The following PSD4 variants were observed in gnomAD, a reference collection of about 807,000 sequenced individuals.
The protein encoded by PSD4 is pleckstrin and Sec7 domain containing 4.
Under a neutral mutation model 112.5 loss-of-function variants are expected in PSD4, and 59 were observed. The observed-to-expected ratio is 0.52, with a 90% CI of 0.43 to 0.65. PSD4 has a LOEUF of 0.65. Among genes scored for constraint, PSD4 ranks in the 30% least tolerant of loss-of-function variants. The pLI is 0.00. For synonymous variants in PSD4, 533 were observed against 540.0 expected, an observed-to-expected ratio of 0.99 and a Z score of 0.18; for missense variants, 1,267 against 1,352.6, an observed-to-expected ratio of 0.94 and a Z score of 0.99.
chr2:113,175,076 C>T (rs1423874520), intron 1 of PSD4, among the ~76,000 whole-genome samples: 1 of 152,096 alleles, frequency 6.6e-6, no homozygotes, highest in Non-Finnish European at 1.5e-5. Flanking sequence ...GGCTGCTGAG[C>T]TCTTTGTTGG....
Position 113,205,849 on chromosome 2 carries a change from C to T in PSD4, c.*4434C>T, listed in dbSNP as rs1326130428. 2.0e-5 allele frequency: 3 copies of T among 152,286 alleles called. No individual in the cohort carries two copies. The highest frequency in any genetic ancestry group is 4.8e-5 in the African/African-American group (2 of 41,460). 9.4% of individuals were successfully genotyped at this position (152,286 alleles called of 1,614,324 possible). On this transcript the variant is annotated 3_prime_UTR_variant, in exon 17 of 17. Coordinates refer to ENST00000245796, the MANE Select transcript of PSD4 (RefSeq NM_012455.3). Reference sequence around the variant, plus strand: ...CTGCTGAGCTGAGCAGGCATGCTCACAGATCCTCAAGGTTTCTTGAATGGC... The same window carrying T: ...CTGCTGAGCTGAGCAGGCATGCTCATAGATCCTCAAGGTTTCTTGAATGGC...
At chr2:113,186,741 G>C (rs1410959611) in intron 5 of PSD4, among the ~76,000 whole-genome samples, 1 of 152,202 alleles carries the variant, frequency 6.6e-6, no homozygotes, top group Non-Finnish European at 1.5e-5. Flanking sequence ...ATCAAGTGGA[G>C]GTTTGATGGG....
In PSD4 at chr2:113,192,601, TGAGCC is replaced by T; in HGVS notation, c.1838+13_1838+17del. Reference sequence around the variant, plus strand: ...TACCTGCAGAAGAAGTAAGGGGCTTTGAGCCTGGGGAAGGCTGGAGGCTGAGGCAG... The same window carrying T: ...TACCTGCAGAAGAAGTAAGGGGCTTTTGGGGAAGGCTGGAGGCTGAGGCAG... On this transcript the variant is annotated intron_variant, in intron 6 of 16. Transcript: ENST00000245796. 1 of 1,613,120 alleles carries T rather than the reference TGAGCC, an allele frequency of 6.2e-7. No homozygotes were observed. The highest frequency in any genetic ancestry group is 2.2e-5 in the East Asian group (1 of 44,872).
rs933133506 is a variant in PSD4, at chr2:113,207,202, A to G, written c.*5787A>G. ...CCGTGTGCCCATATCTGAGCCAGTC[A>G]CTAGAGCCAGGGGTTTAAGGAGATC... is the stretch of plus-strand genomic sequence containing the variant. On this transcript the variant is annotated 3_prime_UTR_variant, in exon 17 of 17. Transcript: ENST00000245796. 1 of 152,140 alleles carries G rather than the reference A, an allele frequency of 6.6e-6. No individual in the cohort carries two copies. Among genetic ancestry groups the G allele is most frequent in the Non-Finnish European group, 1.5e-5 (1 of 68,048 alleles). The allele number at this position is 152,140 out of a possible 1,614,324, so 9.4% of individuals were successfully genotyped here.
chr2:113,182,348 T>TA lies in PSD4; in HGVS notation c.-108dup. ...GCACTTGCTTTGGGCATTTCCAGGG[T>TA]AGATATGGATTCCCAGTTTCTCCAG... On this transcript the variant is annotated 5_prime_UTR_variant, in exon 2 of 17. Transcript: ENST00000245796. 1 of 1,080,680 alleles carries TA rather than the reference T, an allele frequency of 9.3e-7. No homozygotes were observed. Among genetic ancestry groups the TA allele is most frequent in the Non-Finnish European group, 1.3e-6 (1 of 747,982 alleles). 66.9% of individuals were successfully genotyped at this position (1,080,680 alleles called of 1,614,324 possible).
chr2:113,183,295 G>A lies in PSD4; in HGVS notation c.839G>A (p.Gly280Glu). The change falls in exon 2 of 17, where the codon GGA (glycine) becomes GAA (glutamate). Residue 280 changes from glycine to glutamate, a missense_variant. By Grantham distance (98) the Gly-to-Glu change is moderately conservative. Around this residue, in one of 2 missense-constraint regions of PSD4, gnomAD observed 723 missense variants for 704.0 expected, o/e 1.03. Transcript: ENST00000245796. Reference protein sequence around the residue: ...ASDSHAGVRTGPESPATLEPP... With the variant: ...ASDSHAGVRTEPESPATLEPP... ...GACTCCCATGCAGGTGTGAGGACTG[G>A]ACCTGAGAGCCCAGCGACTCTGGAG... 1 of 1,613,336 alleles carries A rather than the reference G, an allele frequency of 6.2e-7. No homozygotes were observed. The highest frequency in any genetic ancestry group is 2.2e-5 in the East Asian group (1 of 44,870).
At position 113,182,389 on chromosome 2, in the gene PSD4, C is replaced by A. The variant is rs1558886385; in HGVS notation, c.-68C>A. 1 of 1,418,160 alleles carries A rather than the reference C, an allele frequency of 7.1e-7. No homozygotes were observed. The highest frequency in any genetic ancestry group is 1.3e-5 in the South Asian group (1 of 74,608). The allele number at this position is 1,418,160 out of a possible 1,614,324, so 87.8% of individuals were successfully genotyped here. A position where few individuals can be genotyped will look rare whatever the true frequency, so the allele number is the denominator to read the frequency against. On this transcript the variant is annotated 5_prime_UTR_variant, in exon 2 of 17. Coordinates refer to ENST00000245796, the MANE Select transcript of PSD4 (RefSeq NM_012455.3). ...GTTTCTCCAGCGGCCAGTGCTCCCCCTAGTCCACACAGTGAGACCGTGAAA... is the reference window on the plus strand; with the variant it reads ...GTTTCTCCAGCGGCCAGTGCTCCCCATAGTCCACACAGTGAGACCGTGAAA...
At chr2:113,185,176 G>A (rs2104496972) in intron 3 of PSD4, 103 bp downstream of exon 3, 1 of 1,578,856 alleles carries the variant, frequency 6.3e-7, no homozygotes, top group South Asian at 1.2e-5. Context: ...TAGGATGTGG[G>A]GCTTCTCACA....
chr2:113,176,826 T>C (rs1687994249), intron 1 of PSD4, among the ~76,000 whole-genome samples: 1 of 152,170 alleles, frequency 6.6e-6, no homozygotes, highest in Non-Finnish European at 1.5e-5. Flanking sequence ...GCCTAGAGGG[T>C]GCCATCCTAC....
chr2:113,193,808 C>T, intron 9 of PSD4, 51 bp from the exon 10 acceptor site: 1 of 1,589,130 alleles, frequency 6.3e-7, no homozygotes, highest in Non-Finnish European at 8.6e-7. Flanking sequence ...GGAGGTTATT[C>T]TATTGGGATG....
rs892336132 is a variant in PSD4, at chr2:113,203,072, C to A, written c.*1657C>A. 6.6e-6 allele frequency: 1 copy of A among 152,334 alleles called. No homozygotes were observed. Among genetic ancestry groups the A allele is most frequent in the African/African-American group, 2.4e-5 (1 of 41,470 alleles). 9.4% of individuals were successfully genotyped at this position (152,334 alleles called of 1,614,324 possible). A position where few individuals can be genotyped will look rare whatever the true frequency, so the allele number is the denominator to read the frequency against. ...TGTTCATGCATATGCAGGAGTCACA[C>A]GGTCATAGGCCATCAAAGCTGGAGG... On this transcript the variant is annotated 3_prime_UTR_variant, in exon 17 of 17. Coordinates refer to ENST00000245796, the MANE Select transcript of PSD4 (RefSeq NM_012455.3).
intron 5 of PSD4, among the ~76,000 whole-genome samples, chr2:113,191,179 C>T (rs952155630): frequency 2.2e-4 from 34 of 152,212 alleles, no homozygotes; most frequent in African/African-American, 7.0e-4. Context: ...TTGTGATGGG[C>T]ATGGGGTTAA....
intron 1 of PSD4, among the ~76,000 whole-genome samples, chr2:113,178,669 C>T (rs1187953918): frequency 1.3e-5 from 2 of 152,084 alleles, no homozygotes; most frequent in South Asian, 2.1e-4. Context: ...CTCCCATTCC[C>T]ATATTGGCAC....
chr2:113,182,957 C>A lies in PSD4; in HGVS notation c.501C>A (p.Val167=). 1 of 1,614,210 alleles carries A rather than the reference C, an allele frequency of 6.2e-7. No homozygotes were observed. Among genetic ancestry groups the A allele is most frequent in the South Asian group, 1.1e-5 (1 of 91,090 alleles). ...WAGILQAQMC[V]LDLEEELEKT... Reference sequence around the variant, plus strand: ...GCATCCTGCAGGCCCAGATGTGTGTCCTAGACCTGGAGGAGGAGCTGGAGA... The same window carrying A: ...GCATCCTGCAGGCCCAGATGTGTGTACTAGACCTGGAGGAGGAGCTGGAGA... Residue 167 remains valine, a synonymous_variant, in exon 2 of 17, where the codon GTC becomes GTA. Coordinates refer to ENST00000245796, the MANE Select transcript of PSD4 (RefSeq NM_012455.3).
At chr2:113,181,897 TCTC>T in intron 1 of PSD4, among the ~76,000 whole-genome samples, 1 of 152,188 alleles carries the variant, frequency 6.6e-6, no homozygotes, top group Non-Finnish European at 1.5e-5. Flanking sequence ...TCTGTTGCAT[TCTC>T]CTCACCTCGT....
chr2:113,191,771 T>TG (rs1322505633), intron 5 of PSD4, among the ~76,000 whole-genome samples: 4 of 152,114 alleles, frequency 2.6e-5, no homozygotes, highest in African/African-American at 9.7e-5. Context: ...CTGAGTCGGC[T>TG]GGGGGTCACC....
chr2:113,187,198 C>T (rs2020313), intron 5 of PSD4, among the ~76,000 whole-genome samples: 4,221 of 133,750 alleles, frequency 0.032, 98 homozygotes, highest in South Asian at 0.1. Flanking sequence ...CCCTGCGCTT[C>T]CTCAGGTAAA....
chr2:113,187,035 G>A (rs568067235), intron 5 of PSD4, among the ~76,000 whole-genome samples: 6 of 152,314 alleles, frequency 3.9e-5, no homozygotes, highest in East Asian at 3.9e-4. Flanking sequence ...AGGGTTCCCC[G>A]AGCTCAGCGC....
chr2:113,199,354 G>C, intron 16 of PSD4, 128 bp downstream of exon 16: 1 of 1,181,962 alleles, frequency 8.5e-7, no homozygotes, highest in Non-Finnish European at 1.1e-6. Flanking sequence ...GCGTGCGGGC[G>C]GGGCCCGCGT....
Sources: gnomAD v4.1 joint callset for allele counts (sites outside exome capture counted in the v4.1 genomes callset) on GRCh38, gnomAD v4.1.1 for gene constraint, gnomAD v4.1.1 regional missense constraint, MANE v1.5 for transcripts, NCBI Gene and HGNC (gene_info 2026-07-23, HGNC 2026-07-21) for gene names.